Variants in FOXQ1 observed in about 807,000 individuals in gnomAD.
The protein encoded by FOXQ1 is forkhead box protein Q1.
FOXQ1 carries 1 observed loss-of-function variant against 0.6 expected under a neutral mutation model. The ratio of observed to expected loss-of-function variants is 1.73; its 90% confidence interval spans 0.61 to 8.20. The LOEUF (loss-of-function observed/expected upper bound fraction) is 8.20, where lower values mean the gene tolerates loss of function less well. FOXQ1 is among the 30% of genes most tolerant of loss of function. FOXQ1 has a pLI of 0.13. For synonymous variants in FOXQ1, 377 were observed against 294.4 expected (o/e 1.28, Z -2.87); for missense variants, 734 against 595.6 (o/e 1.23, Z -2.42).
In FOXQ1 at chr6:1,313,573, C is replaced by T. The variant is rs572458409; in HGVS notation, c.869C>T (p.Ala290Val). The T allele has an allele frequency of 4.1e-6, 5 of 1,218,638 alleles. No individual in the cohort carries two copies. The Admixed American group carries it at 1.7e-4, about 41-fold the overall frequency. 75.5% of individuals were successfully genotyped at this position (1,218,638 alleles called of 1,614,324 possible). Reference protein sequence around the residue: ...PFRSRRLRDTAPGTTLQWGAA... With the variant: ...PFRSRRLRDTVPGTTLQWGAA... The stretch of plus-strand genomic sequence containing the variant: ...CGCAGCCGCCGCCTCAGGGACACGG[C>T]CCCCGGGACGACGCTTCAGTGGGGC... The change falls in exon 1 of 1, where the codon GCC (alanine) becomes GTC (valine). Residue 290 changes from alanine to valine, a missense_variant. Transcript: ENST00000296839. The surrounding 1 kb of genome is among the most constrained non-coding windows in gnomAD (Gnocchi z 5.2).
rs1757591813 is a variant in FOXQ1 at position 1,313,701 on chromosome 6, C to T, written c.997C>T (p.Arg333Trp). Residue 333 changes from arginine to tryptophan, a missense_variant, in exon 1 of 1, where the codon CGG becomes TGG. Coordinates refer to ENST00000296839, the MANE Select transcript of FOXQ1 (RefSeq NM_033260.4). This position sits in a 1 kb window ranked among gnomAD's most constrained non-coding sequence, Gnocchi z 5.2. ...CGCGTACGGCGCGGGCGAGCCGGCG[C>T]GGCTGGGCGCGCGCGAGGCCGAGGT... ...LCAYGAGEPA[R>W]LGAREAEVPP... is the part of the protein sequence containing the mutation. 3 of 1,056,200 alleles carry T rather than the reference C, an allele frequency of 2.8e-6. No homozygotes were observed. The highest frequency in any genetic ancestry group is 5.5e-5 in the Admixed American group (1 of 18,024). 65.4% of individuals were successfully genotyped at this position (1,056,200 alleles called of 1,614,324 possible). A position where few individuals can be genotyped will look rare whatever the true frequency, so the allele number is the denominator to read the frequency against.
chr6:1,313,613 G>T lies in FOXQ1; in HGVS notation c.909G>T (p.Pro303=). The T allele has an allele frequency of 9.0e-7, 1 of 1,112,478 alleles. No homozygotes were observed. Among genetic ancestry groups the T allele is most frequent in the Non-Finnish European group, 1.1e-6 (1 of 908,142 alleles). 68.9% of individuals were successfully genotyped at this position (1,112,478 alleles called of 1,614,324 possible). The change falls in exon 1 of 1, where the codon CCG becomes CCT. Residue 303 remains proline (P), a synonymous_variant. Transcript: ENST00000296839. This position sits in a 1 kb window ranked among gnomAD's most constrained non-coding sequence, Gnocchi z 5.2. The part of the protein sequence containing the change: ...TTLQWGAAPC[P]PLPAFPALLP... ...TTCAGTGGGGCGCCGCGCCCTGCCC[G>T]CCGCTGCCCGCGTTCCCCGCGCTCC...
In FOXQ1 at chr6:1,314,058, T is replaced by C. The variant is rs889913611; in HGVS notation, c.*142T>C. ...TCAAACGTGCCTTAAAGCTAAAGCATTTTGACAGGAGTATTTAAACTTAGT... is the reference window on the plus strand; with the variant it reads ...TCAAACGTGCCTTAAAGCTAAAGCACTTTGACAGGAGTATTTAAACTTAGT... On this transcript the variant is annotated 3_prime_UTR_variant, in exon 1 of 1. Coordinates refer to ENST00000296839, the MANE Select transcript of FOXQ1 (RefSeq NM_033260.4). 1 of 1,097,552 alleles carries C rather than the reference T, an allele frequency of 9.1e-7. No homozygotes were observed. Among genetic ancestry groups the C allele is most frequent in the African/African-American group, 1.6e-5 (1 of 60,988 alleles). The allele number at this position is 1,097,552 out of a possible 1,614,324, so 68.0% of individuals were successfully genotyped here. A position where few individuals can be genotyped will look rare whatever the true frequency, so the allele number is the denominator to read the frequency against.
chr6:1,312,741 G>A lies in FOXQ1; in HGVS notation c.37G>A (p.Gly13Arg), dbSNP rs1416516284. ...GGTGTTCGTCCCTCGCGCGGCCCACGGGGACAAGCAGGGCAGTGACCTGGA... is the reference window on the plus strand; with the variant it reads ...GGTGTTCGTCCCTCGCGCGGCCCACAGGGACAAGCAGGGCAGTGACCTGGA... ...LEVFVPRAAHGDKQGSDLEGA... is the reference protein window; with the variant it reads ...LEVFVPRAAHRDKQGSDLEGA... The change falls in exon 1 of 1, where the codon GGG becomes AGG. Residue 13 changes from glycine (G) to arginine (R), a missense_variant. By Grantham distance (125) the Gly-to-Arg change is moderately radical. Coordinates refer to ENST00000296839, the MANE Select transcript of FOXQ1 (RefSeq NM_033260.4). 3 of 1,354,738 alleles carry A rather than the reference G, an allele frequency of 2.2e-6. No individual in the cohort carries two copies. The highest frequency in any genetic ancestry group is 1.5e-5 in the African/African-American group (1 of 65,702). 83.9% of individuals were successfully genotyped at this position (1,354,738 alleles called of 1,614,324 possible). A position where few individuals can be genotyped will look rare whatever the true frequency, so the allele number is the denominator to read the frequency against.
rs769346486 is a variant in FOXQ1 at position 1,313,377 on chromosome 6, C to A, written c.673C>A (p.Pro225Thr). 6.9e-7 allele frequency: 1 copy of A among 1,447,250 alleles called. No homozygotes were observed. The highest frequency in any genetic ancestry group is 9.1e-7 in the Non-Finnish European group (1 of 1,095,086). 89.7% of individuals were successfully genotyped at this position (1,447,250 alleles called of 1,614,324 possible). The change falls in exon 1 of 1, where the codon CCC becomes ACC. Residue 225 changes from proline to threonine, a missense_variant. By Grantham distance (38) the Pro-to-Thr change is conservative. Transcript: ENST00000296839. This position sits in a 1 kb window ranked among gnomAD's most constrained non-coding sequence, Gnocchi z 5.2. ...CAGCCACCGCGCGCCGGTCCCCGCG[C>A]CCGGGCTGCGGCCCGAGGAGGCCCC... ...RLSHRAPVPA[P>T]GLRPEEAPGL...
rs1757576693 is a variant in FOXQ1 at position 1,313,073 on chromosome 6, G to A, written c.369G>A (p.Ser123=). Reference sequence around the variant, plus strand: ...CGCGGCGGCCCAAGCCCCCCTACTCGTACATCGCGCTCATCGCCATGGCCA... The same window carrying A: ...CGCGGCGGCCCAAGCCCCCCTACTCATACATCGCGCTCATCGCCATGGCCA... ...PYTRRPKPPY[S]YIALIAMAIR... is the part of the protein sequence containing the mutation. Residue 123 remains serine, a synonymous_variant, in exon 1 of 1, where the codon TCG becomes TCA. Coordinates refer to ENST00000296839, the MANE Select transcript of FOXQ1 (RefSeq NM_033260.4). The surrounding 1 kb of genome is among the most constrained non-coding windows in gnomAD (Gnocchi z 5.2). 1 of 1,604,838 alleles carries A rather than the reference G, an allele frequency of 6.2e-7. No homozygotes were observed. The highest frequency in any genetic ancestry group is 8.5e-7 in the Non-Finnish European group (1 of 1,175,934).
rs1166462726 is a variant in FOXQ1 at position 1,312,439 on chromosome 6, T to C, written c.-266T>C. 1.3e-5 allele frequency: 5 copies of C among 387,410 alleles called. No homozygotes were observed. Among genetic ancestry groups the C allele is most frequent in the Non-Finnish European group, 2.2e-5 (5 of 230,316 alleles). The allele number at this position is 387,410 out of a possible 1,614,324, so 24.0% of individuals were successfully genotyped here. ...GCCCCTGCACACACTCACCCCAAAG[T>C]CTCAACGTCGAACCGAAGGCGACAC... On this transcript the variant is annotated 5_prime_UTR_variant, in exon 1 of 1. Transcript: ENST00000296839.
At position 1,312,559 on chromosome 6, in the gene FOXQ1, C is replaced by CT. The variant is rs749065981; in HGVS notation, c.-145dup. 2 of 1,195,586 alleles carry CT rather than the reference C, an allele frequency of 1.7e-6. No homozygotes were observed. The highest frequency in any genetic ancestry group is 2.1e-6 in the Non-Finnish European group (2 of 951,616). 74.1% of individuals were successfully genotyped at this position (1,195,586 alleles called of 1,614,324 possible). A position where few individuals can be genotyped will look rare whatever the true frequency, so the allele number is the denominator to read the frequency against. The stretch of plus-strand genomic sequence containing the variant: ...GCGGAAGAGGACTCCGGAAAAGTGA[C>CT]TATCTCGGAAGACCAGGGTAGAGCT... On this transcript the variant is annotated 5_prime_UTR_variant, in exon 1 of 1. Transcript: ENST00000296839.
rs1332926614 is a variant in FOXQ1 at position 1,313,215 on chromosome 6, C to T, written c.511C>T (p.Leu171Phe). 1.2e-6 allele frequency: 2 copies of T among 1,609,776 alleles called. No individual in the cohort carries two copies. Among genetic ancestry groups the T allele is most frequent in the South Asian group, 2.2e-5 (2 of 90,992 alleles). Residue 171 changes from leucine (L) to phenylalanine (F), a missense_variant, in exon 1 of 1, where the codon CTT becomes TTT. Transcript: ENST00000296839. This position sits in a 1 kb window ranked among gnomAD's most constrained non-coding sequence, Gnocchi z 5.2. ...TGWRNSVRHN[L>F]SLNDCFVKVL... ...CTGGCGCAACTCCGTGCGCCACAACCTTTCGCTCAACGACTGCTTCGTCAA... is the reference window on the plus strand; with the variant it reads ...CTGGCGCAACTCCGTGCGCCACAACTTTTCGCTCAACGACTGCTTCGTCAA...
rs935885144 is a variant in FOXQ1, at chr6:1,313,927, G to T, written c.*11G>T. ...ACGCTCCTAGCCTGAGTAGCGCCGC[G>T]GGGCCCGGGAACGCCGAGTGCGCGC... is the stretch of plus-strand genomic sequence containing the variant. On this transcript the variant is annotated 3_prime_UTR_variant, in exon 1 of 1. Transcript: ENST00000296839. The surrounding 1 kb of genome is among the most constrained non-coding windows in gnomAD (Gnocchi z 5.2). 1.6e-6 allele frequency: 2 copies of T among 1,227,990 alleles called. No homozygotes were observed. The highest frequency in any genetic ancestry group is 4.3e-5 in the Admixed American group (1 of 23,384). 76.1% of individuals were successfully genotyped at this position (1,227,990 alleles called of 1,614,324 possible).
At position 1,312,919 on chromosome 6, in the gene FOXQ1, C is replaced by A. The variant is rs1757572836; in HGVS notation, c.215C>A (p.Pro72Gln). Residue 72 changes from proline to glutamine, a missense_variant, in exon 1 of 1, where the codon CCG (proline) becomes CAG (glutamine). Coordinates refer to ENST00000296839, the MANE Select transcript of FOXQ1 (RefSeq NM_033260.4). ...GGCGAACAGAGTGCGGGAGGCGGGCCGGGCGCGGAGGAGGCGATCCCGGCA... is the reference window on the plus strand; with the variant it reads ...GGCGAACAGAGTGCGGGAGGCGGGCAGGGCGCGGAGGAGGCGATCCCGGCA... ...GDGEQSAGGG[P>Q]GAEEAIPAAA... 4 of 1,275,466 alleles carry A rather than the reference C, an allele frequency of 3.1e-6. No individual in the cohort carries two copies. Among genetic ancestry groups the A allele is most frequent in the Admixed American group, 4.1e-5 (1 of 24,526 alleles). 79.0% of individuals were successfully genotyped at this position (1,275,466 alleles called of 1,614,324 possible).
Position 1,312,948 on chromosome 6 carries a change from G to A in FOXQ1, c.244G>A (p.Ala82Thr). The change falls in exon 1 of 1, where the codon GCT becomes ACT. Residue 82 changes from alanine to threonine, a missense_variant. Transcript: ENST00000296839. ...PGAEEAIPAA[A>T]AAAVVAEGAE... ...CGCGGAGGAGGCGATCCCGGCAGCA[G>A]CTGCTGCAGCGGTGGTGGCGGAGGG... 7.8e-7 allele frequency: 1 copy of A among 1,278,818 alleles called. No individual in the cohort carries two copies. Among genetic ancestry groups the A allele is most frequent in the Non-Finnish European group, 9.8e-7 (1 of 1,016,108 alleles). 79.2% of individuals were successfully genotyped at this position (1,278,818 alleles called of 1,614,324 possible).
chr6:1,313,119 C>T lies in FOXQ1; in HGVS notation c.415C>T (p.Arg139Cys). 4 of 1,606,274 alleles carry T rather than the reference C, an allele frequency of 2.5e-6. No homozygotes were observed. Among genetic ancestry groups the T allele is most frequent in the Non-Finnish European group, 3.4e-6 (4 of 1,176,644 alleles). The change falls in exon 1 of 1, where the codon CGC becomes TGC. Residue 139 changes from arginine to cysteine, a missense_variant. Transcript: ENST00000296839. This position sits in a 1 kb window ranked among gnomAD's most constrained non-coding sequence, Gnocchi z 5.2. ...GGCCATCCGCGACTCGGCGGGCGGGCGCTTGACGCTGGCGGAGATCAACGA... is the reference window on the plus strand; with the variant it reads ...GGCCATCCGCGACTCGGCGGGCGGGTGCTTGACGCTGGCGGAGATCAACGA... ...AMAIRDSAGG[R>C]LTLAEINEYL...
rs746702677 is a variant in FOXQ1 at position 1,312,660 on chromosome 6, C to G, written c.-45C>G. 1.6e-6 allele frequency: 2 copies of G among 1,284,016 alleles called. No individual in the cohort carries two copies. The allele number at this position is 1,284,016 out of a possible 1,614,324, so 79.5% of individuals were successfully genotyped here. On this transcript the variant is annotated 5_prime_UTR_variant, in exon 1 of 1. Coordinates refer to ENST00000296839, the MANE Select transcript of FOXQ1 (RefSeq NM_033260.4). ...CTGGCACCAGCTTCTCTAGGCTGCG[C>G]GAAGGAAGAGGGTACGACGCCGGGG... is the stretch of plus-strand genomic sequence containing the variant.
Position 1,313,307 on chromosome 6 carries a change from G to A in FOXQ1, c.603G>A (p.Glu201=), listed in dbSNP as rs1427650688. Reference sequence around the variant, plus strand: ...ACTGGATGCTCAACCCCAACAGCGAGTACACCTTCGCCGACGGGGTCTTCC... The same window carrying A: ...ACTGGATGCTCAACCCCAACAGCGAATACACCTTCGCCGACGGGGTCTTCC... ...DNYWMLNPNS[E]YTFADGVFRR... Residue 201 remains glutamate (E), a synonymous_variant, in exon 1 of 1, where the codon GAG becomes GAA. Transcript: ENST00000296839. The surrounding 1 kb of genome is among the most constrained non-coding windows in gnomAD (Gnocchi z 5.2). 3 of 1,588,272 alleles carry A rather than the reference G, an allele frequency of 1.9e-6. No homozygotes were observed. Among genetic ancestry groups the A allele is most frequent in the Non-Finnish European group, 2.6e-6 (3 of 1,168,548 alleles).
Position 1,313,956 on chromosome 6 carries a change from C to CG in FOXQ1, c.*44dup. 8.2e-7 allele frequency: 1 copy of CG among 1,220,048 alleles called. No individual in the cohort carries two copies. The highest frequency in any genetic ancestry group is 1.0e-6 in the Non-Finnish European group (1 of 979,194). The allele number at this position is 1,220,048 out of a possible 1,614,324, so 75.6% of individuals were successfully genotyped here. ...CCCGGGAACGCCGAGTGCGCGCCGT[C>CG]GGGGAGGCGGGAACGCGGGCCCGCG... On this transcript the variant is annotated 3_prime_UTR_variant, in exon 1 of 1. Coordinates refer to ENST00000296839, the MANE Select transcript of FOXQ1 (RefSeq NM_033260.4). The surrounding 1 kb of genome is among the most constrained non-coding windows in gnomAD (Gnocchi z 5.2).
chr6:1,313,827 C>T lies in FOXQ1; in HGVS notation c.1123C>T (p.Pro375Ser), dbSNP rs773628191. The change falls in exon 1 of 1, where the codon CCC becomes TCC. Residue 375 changes from proline (P) to serine (S), a missense_variant. Pro to Ser is a moderately conservative substitution (Grantham distance 74). Coordinates refer to ENST00000296839, the MANE Select transcript of FOXQ1 (RefSeq NM_033260.4). The surrounding 1 kb of genome is among the most constrained non-coding windows in gnomAD (Gnocchi z 5.2). ...PAAGGAHLYC[P>S]LRLPAALQAA... ...GGCCGGCGGCGCGCACCTGTACTGC[C>T]CCCTGCGGCTGCCCGCAGCCCTGCA... The T allele has an allele frequency of 1.1e-4, 146 of 1,296,004 alleles. No homozygotes were observed. The Middle Eastern group carries it at 1.8e-3, about 16-fold the overall frequency. The allele number at this position is 1,296,004 out of a possible 1,614,324, so 80.3% of individuals were successfully genotyped here.
chr6:1,312,559 C>G lies in FOXQ1; in HGVS notation c.-146C>G. On this transcript the variant is annotated 5_prime_UTR_variant, in exon 1 of 1. Coordinates refer to ENST00000296839, the MANE Select transcript of FOXQ1 (RefSeq NM_033260.4). ...GCGGAAGAGGACTCCGGAAAAGTGA[C>G]TATCTCGGAAGACCAGGGTAGAGCT... 8.4e-7 allele frequency: 1 copy of G among 1,195,586 alleles called. No individual in the cohort carries two copies. Among genetic ancestry groups the G allele is most frequent in the Non-Finnish European group, 1.1e-6 (1 of 951,616 alleles). The allele number at this position is 1,195,586 out of a possible 1,614,324, so 74.1% of individuals were successfully genotyped here. A position where few individuals can be genotyped will look rare whatever the true frequency, so the allele number is the denominator to read the frequency against.
rs1581235533 is a variant in FOXQ1 at position 1,313,764 on chromosome 6, C to T, written c.1060C>T (p.Pro354Ser). The stretch of plus-strand genomic sequence containing the variant: ...GCCGCCCCTCCTGCTTGCACCTCTC[C>T]CGGCGGCGGCCCCCGCCAAGCCACT... ...TAPPLLLAPL[P>S]AAAPAKPLRG... Residue 354 changes from proline to serine, a missense_variant, in exon 1 of 1, where the codon CCG becomes TCG. By Grantham distance (74) the Pro-to-Ser change is moderately conservative. Transcript: ENST00000296839. The surrounding 1 kb of genome is among the most constrained non-coding windows in gnomAD (Gnocchi z 5.2). 4.1e-6 allele frequency: 5 copies of T among 1,231,074 alleles called. No individual in the cohort carries two copies. Among genetic ancestry groups the T allele is most frequent in the Non-Finnish European group, 5.1e-6 (5 of 989,288 alleles). 76.3% of individuals were successfully genotyped at this position (1,231,074 alleles called of 1,614,324 possible).
Sources: gnomAD v4.1 joint callset for allele counts on GRCh38, gnomAD v4.1.1 for gene constraint, Gnocchi (gnomAD v3.1) non-coding constraint, MANE v1.5 for transcripts, NCBI Gene and HGNC (gene_info 2026-07-23, HGNC 2026-07-21) for gene names.